Variants in MARCHF1 observed in about 807,000 individuals in gnomAD.
The protein encoded by MARCHF1 is membrane associated ring-CH-type finger 1.
In MARCHF1, 40 loss-of-function variants were observed where a neutral mutation model predicts 54.2. The observed-to-expected ratio is 0.74, with a 90% CI of 0.57 to 0.96. The LOEUF (loss-of-function observed/expected upper bound fraction) is 0.96, where lower values mean the gene tolerates loss of function less well. Ranked by LOEUF, MARCHF1 falls within the 40% of genes least tolerant of loss-of-function variation. The probability of loss-of-function intolerance (pLI) is 0.00; values close to 1 mark genes in which losing one functional copy is unlikely to be tolerated. For missense variants in MARCHF1, 586 were observed against 656.5 expected (o/e 0.89, Z 1.17); for synonymous variants, 236 against 236.3 (o/e 1.00, Z 0.01).
intron 2 of MARCHF1, among the ~76,000 whole-genome samples, chr4:164,012,319 A>G (rs879506362): frequency 6.6e-6 from 1 of 152,034 alleles, no homozygotes; most frequent in Non-Finnish European, 1.5e-5. Flanking sequence ...GTGAGTACAG[A>G]AGACTGTATC....
chr4:163,860,340 C>A (rs896584994), intron 3 of MARCHF1, among the ~76,000 whole-genome samples: 57 of 152,194 alleles, frequency 3.7e-4, no homozygotes, highest in African/African-American at 1.4e-3. Flanking sequence ...TGCTAAGCAA[C>A]TTATCTATAT....
intron 3 of MARCHF1, among the ~76,000 whole-genome samples, chr4:163,920,650 C>T (rs1751409754): frequency 6.6e-6 from 1 of 152,082 alleles, no homozygotes; most frequent in Non-Finnish European, 1.5e-5. Context: ...GGGATCCTGC[C>T]CTCTGAGCTC....
At chr4:164,368,640 T>C (rs1730946364) in intron 1 of MARCHF1, among the ~76,000 whole-genome samples, 1 of 152,192 alleles carries the variant, frequency 6.6e-6, no homozygotes, top group African/African-American at 2.4e-5. Flanking sequence ...TATGTGCACA[T>C]AATGACCAAC....
chr4:164,288,377 A>C (rs1260442631), intron 1 of MARCHF1, among the ~76,000 whole-genome samples: 1 of 152,144 alleles, frequency 6.6e-6, no homozygotes, highest in African/African-American at 2.4e-5. Flanking sequence ...AAGTGAAAAA[A>C]GAAAGGAATG....
chr4:163,600,384 A>G (rs981097409), intron 7 of MARCHF1, among the ~76,000 whole-genome samples: 1 of 152,132 alleles, frequency 6.6e-6, no homozygotes, highest in African/African-American at 2.4e-5. Flanking sequence ...TCTGGATGGA[A>G]TCCTGGCAGC....
intron 3 of MARCHF1, among the ~76,000 whole-genome samples, chr4:163,934,173 C>T (rs1333421404): frequency 7.2e-5 from 11 of 152,080 alleles, no homozygotes; most frequent in Non-Finnish European, 1.6e-4. Flanking sequence ...CCGTGCACTG[C>T]TAATCATTGA....
chr4:163,933,019 TG>T, intron 3 of MARCHF1: 1 of 1,260,902 alleles, frequency 7.9e-7, no homozygotes, highest in Non-Finnish European at 1.1e-6. Flanking sequence ...CCAATCTGCC[TG>T]GGGCTTGCGG....
intron 3 of MARCHF1, among the ~76,000 whole-genome samples, chr4:163,880,156 T>C (rs867639295): frequency 1.3e-5 from 2 of 151,638 alleles, no homozygotes; most frequent in African/African-American, 4.8e-5. Flanking sequence ...TAAATTTACA[T>C]ACATATGCAG....
intron 1 of MARCHF1, among the ~76,000 whole-genome samples, chr4:164,366,879 C>A (rs1730894844): frequency 1.3e-5 from 2 of 150,038 alleles, no homozygotes; most frequent in Admixed American, 1.3e-4. Flanking sequence ...CAGTTTAATT[C>A]AAAATAATTT....
intron 3 of MARCHF1, among the ~76,000 whole-genome samples, chr4:163,888,382 C>G (rs1579367712): frequency 6.6e-6 from 1 of 152,016 alleles, no homozygotes; most frequent in East Asian, 1.9e-4. Flanking sequence ...CAAAGGCAGC[C>G]CTTATAGAAT....
chr4:163,765,731 T>C (rs1275731669), intron 4 of MARCHF1, among the ~76,000 whole-genome samples: 1 of 151,630 alleles, frequency 6.6e-6, no homozygotes, highest in African/African-American at 2.4e-5. Context: ...AAGTGTGACA[T>C]TTTGGGGCTA....
intron 1 of MARCHF1, chr4:164,188,818 C>T (rs1731046865): frequency 3.7e-6 from 3 of 801,890 alleles, no homozygotes; most frequent in Non-Finnish European, 6.9e-6. Flanking sequence ...AAATTTCTGC[C>T]ATGGTTCTCA....
intron 4 of MARCHF1, among the ~76,000 whole-genome samples, chr4:163,717,814 C>A (rs1427452545): frequency 6.6e-6 from 1 of 152,156 alleles, no homozygotes; most frequent in Non-Finnish European, 1.5e-5. Context: ...AGTGTCTGTT[C>A]ATATCCTTCA....
chr4:163,867,513 GAATT>G (rs1750079184), intron 3 of MARCHF1, among the ~76,000 whole-genome samples: 1 of 151,362 alleles, frequency 6.6e-6, no homozygotes, highest in African/African-American at 2.4e-5. Context: ...AATCTAATTA[GAATT>G]AATTCAAATG....
intron 1 of MARCHF1, among the ~76,000 whole-genome samples, chr4:164,235,961 C>A (rs575406753): frequency 6.6e-6 from 1 of 152,210 alleles, no homozygotes; most frequent in African/African-American, 2.4e-5. Context: ...TTGCCTTTTA[C>A]ACAAGGAGAG....
chr4:164,182,120 G>C (rs1408987748), intron 1 of MARCHF1, among the ~76,000 whole-genome samples: 1 of 151,964 alleles, frequency 6.6e-6, no homozygotes, highest in Admixed American at 6.6e-5. Flanking sequence ...ATAATTAAAA[G>C]CTATGAAACA....
At chr4:164,163,486 T>C (rs1318124190) in intron 1 of MARCHF1, among the ~76,000 whole-genome samples, 2 of 151,884 alleles carry the variant, frequency 1.3e-5, no homozygotes, top group African/African-American at 4.8e-5. Flanking sequence ...ACTTTCAAAC[T>C]AGTAGAGGAA....
chr4:163,610,289 C>T (rs1179711369), intron 7 of MARCHF1, among the ~76,000 whole-genome samples: 1 of 152,036 alleles, frequency 6.6e-6, no homozygotes, highest in Non-Finnish European at 1.5e-5. Flanking sequence ...TTTTTATCCT[C>T]AGCATCGAGT....
chr4:163,849,061 T>C (rs987839896), intron 4 of MARCHF1, among the ~76,000 whole-genome samples: 1 of 152,194 alleles, frequency 6.6e-6, no homozygotes, highest in Admixed American at 6.5e-5. Context: ...TCATTTATAA[T>C]CTTTGTGTTT....
Sources: gnomAD v4.1 joint callset for allele counts (sites outside exome capture counted in the v4.1 genomes callset) on GRCh38, gnomAD v4.1.1 for gene constraint, MANE v1.5 for transcripts, NCBI Gene and HGNC (gene_info 2026-07-23, HGNC 2026-07-21) for gene names.